Variants in RPE65 observed in about 807,000 individuals in gnomAD.
The protein encoded by RPE65 is retinoid isomerohydrolase.
RPE65 carries 58 observed loss-of-function variants against 68.5 expected under a neutral mutation model. The ratio of observed to expected loss-of-function variants is 0.85; its 90% CI spans 0.69 to 1.05. RPE65 has a LOEUF of 1.05. RPE65 is among the 50% of genes least tolerant of loss of function. RPE65 has a pLI of 0.00. For missense variants in RPE65, 643 were observed against 629.9 expected (o/e 1.02, Z -0.22); for synonymous variants, 220 against 222.2 (o/e 0.99, Z 0.09).
In RPE65 at chr1:68,446,787, T is replaced by C. The variant is rs150260489; in HGVS notation, c.168A>G (p.Pro56=). The C allele has an allele frequency of 4.2e-4, 675 of 1,614,006 alleles. 1 individual carries two copies. Among genetic ancestry groups the C allele is most frequent in the Non-Finnish European group, 5.5e-4 (650 of 1,180,022 alleles). Residue 56 remains proline (P), a synonymous_variant, in exon 3 of 14, where the codon CCA becomes CCG. Transcript: ENST00000262340. ...GPGLFEVGSE[P]FYHLFDGQAL... The stretch of plus-strand genomic sequence containing the variant: ...CTTGCCCATCAAACAGGTGGTAAAA[T>C]GGCTCAGATCCAACTTCAAAGAGTC...
rs1049775789 is a variant in RPE65, at chr1:68,429,283, A to G, written c.*493T>C. ...ACGTATACGCAAAATAATTACTGTA[A>G]TTAATCTTAGATGATAGTCCCTGGT... is the stretch of plus-strand genomic sequence containing the variant. On this transcript the variant is annotated 3_prime_UTR_variant, in exon 14 of 14. Transcript: ENST00000262340. 1.9e-5 allele frequency: 3 copies of G among 158,968 alleles called. No individual in the cohort carries two copies. The highest frequency in any genetic ancestry group is 6.2e-5 in the Admixed American group (1 of 16,222). The allele number at this position is 158,968 out of a possible 1,614,324, so 9.8% of individuals were successfully genotyped here. A position where few individuals can be genotyped will look rare whatever the true frequency, so the allele number is the denominator to read the frequency against.
chr1:68,434,869 T>G (rs565867045), intron 10 of RPE65, among the ~76,000 whole-genome samples: 1 of 152,208 alleles, frequency 6.6e-6, no homozygotes, highest in South Asian at 2.1e-4. Flanking sequence ...ACTCAAGCAA[T>G]CCTCCTGCCT....
At chr1:68,441,595 G>A (rs563436658) in intron 5 of RPE65, among the ~76,000 whole-genome samples, 5 of 152,110 alleles carry the variant, frequency 3.3e-5, no homozygotes, top group African/African-American at 4.8e-5. Flanking sequence ...TCAATTTTAT[G>A]TCTCATAAGA....
chr1:68,449,505 T>C (rs2100835723), intron 1 of RPE65, among the ~76,000 whole-genome samples: 1 of 152,208 alleles, frequency 6.6e-6, no homozygotes, highest in East Asian at 1.9e-4. Flanking sequence ...GTATTATCTC[T>C]TTTAAATCTC....
chr1:68,448,560 A>T (rs1006730256), intron 2 of RPE65, 64 bp downstream of exon 2: 2 of 1,486,714 alleles, frequency 1.3e-6, no homozygotes, highest in East Asian at 4.5e-5. Context: ...GACGCCAAGG[A>T]ATAGGAAGCC....
intron 1 of RPE65, among the ~76,000 whole-genome samples, chr1:68,449,344 A>G (rs1020841991): frequency 3.9e-5 from 6 of 152,142 alleles, no homozygotes; most frequent in African/African-American, 1.4e-4. Flanking sequence ...CAGGAGATTC[A>G]GGTTCTATAT....
intron 3 of RPE65, 83 bp from the exon 4 acceptor site, chr1:68,444,966 G>A: frequency 1.8e-6 from 2 of 1,109,158 alleles, no homozygotes; most frequent in South Asian, 1.3e-5. Flanking sequence ...GCCATTCTAT[G>A]TGTCCTCATC....
At chr1:68,440,787 A>G in intron 6 of RPE65, 66 bp downstream of exon 6, 2 of 1,582,826 alleles carry the variant, frequency 1.3e-6, no homozygotes, top group Non-Finnish European at 1.7e-6. Context: ...TATCTTTCTC[A>G]CAATACAGTA....
intron 13 of RPE65, 33 bp from the exon 14 acceptor site, chr1:68,429,960 G>A: frequency 6.2e-7 from 1 of 1,612,400 alleles, no homozygotes; most frequent in Admixed American, 1.7e-5. Flanking sequence ...GCAATATTGA[G>A]TTTTTAAAAG....
At chr1:68,436,113 A>C (rs2100814087) in intron 10 of RPE65, among the ~76,000 whole-genome samples, 1 of 152,348 alleles carries the variant, frequency 6.6e-6, no homozygotes, top group East Asian at 1.9e-4. Context: ...GTGAATATTT[A>C]AGTTAAGTGA....
chr1:68,441,712 CA>C (rs1299566605), intron 5 of RPE65, among the ~76,000 whole-genome samples: 1 of 152,076 alleles, frequency 6.6e-6, no homozygotes. Flanking sequence ...GATAAATCAG[CA>C]CTAGATTTCC....
rs71071305 is a variant in RPE65, at chr1:68,436,444, CTATTTATTTATT to C, written c.1128+1731_1128+1742del. On this transcript the variant is annotated intron_variant, in intron 10 of 13. Coordinates refer to ENST00000262340, the MANE Select transcript of RPE65 (RefSeq NM_000329.3). ...TTCTACAAGCTAGCTCCTGTTACTT[CTATTTATTTATT>C]TATTTATTTATTTATTTATTTATTT... Among the ~76,000 whole-genome samples, 833 of 147,572 alleles carry C rather than the reference CTATTTATTTATT, an allele frequency of 5.6e-3. 8 individuals carry two copies. Among genetic ancestry groups the C allele is most frequent in the South Asian group, 0.044 (202 of 4,610 alleles).
rs1057518922 is a variant in RPE65, at chr1:68,431,281, C to A, written c.1338+1G>T. ...AAATATTAGTAAGAAGGATTAATTA[C>A]CCTATCTGGAACAAAGTGATTCAAG... is the stretch of plus-strand genomic sequence containing the variant. On this transcript the variant is annotated splice_donor_variant, in intron 12 of 13. Coordinates refer to ENST00000262340, the MANE Select transcript of RPE65 (RefSeq NM_000329.3). LOFTEE classifies it high-confidence loss of function. The A allele has an allele frequency of 7.4e-6, 12 of 1,613,432 alleles. No homozygotes were observed.
intron 10 of RPE65, among the ~76,000 whole-genome samples, chr1:68,434,931 C>T (rs1384698606): frequency 1.3e-5 from 2 of 152,062 alleles, no homozygotes; most frequent in Admixed American, 1.3e-4. Context: ...CTCTTCATTG[C>T]CAAACTTTTA....
intron 10 of RPE65, among the ~76,000 whole-genome samples, chr1:68,433,256 G>A (rs576513774): frequency 2.0e-5 from 3 of 152,310 alleles, no homozygotes; most frequent in African/African-American, 4.8e-5. Context: ...CCTCCAACAA[G>A]ACGAGGAATG....
chr1:68,444,921 G>C lies in RPE65; in HGVS notation c.246-38C>G, dbSNP rs753823417. 7 of 1,580,514 alleles carry C rather than the reference G, an allele frequency of 4.4e-6. No homozygotes were observed. The South Asian group carries it at 7.8e-5, about 18-fold the overall frequency. ...GAAACATAGGGAAGAGTATAGACAG[G>C]AGCAATCCGTACAGCCCATGTGGAG... On this transcript the variant is annotated intron_variant, in intron 3 of 13. Coordinates refer to ENST00000262340, the MANE Select transcript of RPE65 (RefSeq NM_000329.3).
chr1:68,445,193 A>G (rs942212117), intron 3 of RPE65, among the ~76,000 whole-genome samples: 1 of 152,036 alleles, frequency 6.6e-6, no homozygotes, highest in African/African-American at 2.4e-5. Context: ...GACAACATGA[A>G]CTTTCTATAT....
At position 68,431,456 on chromosome 1, in the gene RPE65, T is replaced by A. The variant is rs1645825495; in HGVS notation, c.1243+15A>T. The A allele has an allele frequency of 6.2e-7, 1 of 1,613,332 alleles. No homozygotes were observed. The highest frequency in any genetic ancestry group is 1.7e-5 in the Admixed American group (1 of 59,930). ...TTGTTCACTCCCGTGTGAAGTTTTCTCTAGATCATCTCACCTTGACGAGGC... is the reference window on the plus strand; with the variant it reads ...TTGTTCACTCCCGTGTGAAGTTTTCACTAGATCATCTCACCTTGACGAGGC... On this transcript the variant is annotated intron_variant, in intron 11 of 13. Transcript: ENST00000262340.
chr1:68,431,430 T>G (rs1417927941), intron 11 of RPE65, 41 bp downstream of exon 11: 85 of 1,611,972 alleles, frequency 5.3e-5, no homozygotes, highest in Non-Finnish European at 7.0e-5. Context: ...GAAAGAAACA[T>G]TTGTTCACTC....
Sources: allele counts gnomAD v4.1 joint callset (sites outside exome capture counted in the v4.1 genomes callset), GRCh38; gene constraint gnomAD v4.1.1; transcripts MANE v1.5; gene names NCBI Gene and HGNC (gene_info 2026-07-23, HGNC 2026-07-21).